The following PCDHGA7 variants were observed in gnomAD, a reference collection of about 807,000 sequenced individuals.
PCDHGA7 encodes the protein protocadherin gamma subfamily A, 7.
Under a neutral mutation model 58.3 loss-of-function variants are expected in PCDHGA7, and 44 were observed. The observed-to-expected ratio is 0.75, with a 90% CI of 0.59 to 0.97. The LOEUF is 0.97. PCDHGA7 is among the 50% of genes least tolerant of loss of function. The probability of loss-of-function intolerance (pLI) is 0.00; values close to 1 mark genes in which losing one functional copy is unlikely to be tolerated. For missense variants in PCDHGA7, 1,266 were observed against 1,188.7 expected (o/e 1.06, Z -0.96); for synonymous variants, 516 against 504.2 (o/e 1.02, Z -0.31).
intron 1 of PCDHGA7, among the ~76,000 whole-genome samples, chr5:141,461,733 C>G (rs930217307): frequency 2.0e-5 from 3 of 152,168 alleles, no homozygotes; most frequent in African/African-American, 2.4e-5. Context: ...TGCAGTGGCA[C>G]AATCCCGGCT....
intron 1 of PCDHGA7, chr5:141,419,506 C>A (rs527369615): frequency 6.2e-6 from 10 of 1,612,352 alleles, no homozygotes; most frequent in Middle Eastern, 1.7e-4. Context: ...TGAGCCTGCG[C>A]GTGTTGGTGG....
rs759226115 is a variant in PCDHGA7 at position 141,405,385 on chromosome 5, AT to A, written c.2424+20070del. On this transcript the variant is annotated intron_variant, in intron 1 of 3. Transcript: ENST00000518325. ...ACACCCCTTTGGTTCCGGTGAGTTC[AT>A]TTTTTTTCTTTCTTTCTTTTCTTTT... 1.8e-5 allele frequency: 29 copies of A among 1,599,886 alleles called. No homozygotes were observed. In the East Asian group the frequency reaches 2.2e-4, roughly 12 times the overall value.
chr5:141,410,415 T>C (rs1589759810), intron 1 of PCDHGA7: 1 of 1,614,066 alleles, frequency 6.2e-7, no homozygotes. Flanking sequence ...TCTGGACCTG[T>C]AGTTCCCCCC....
chr5:141,430,855 C>T, intron 1 of PCDHGA7: 7 of 1,588,596 alleles, frequency 4.4e-6, no homozygotes, highest in Non-Finnish European at 6.0e-6. Context: ...CCCAGATACG[C>T]TATTCAGTTC....
At chr5:141,448,394 T>C (rs1360417681) in intron 1 of PCDHGA7, among the ~76,000 whole-genome samples, 1 of 152,206 alleles carries the variant, frequency 6.6e-6, no homozygotes. Context: ...TACATTTACA[T>C]GGTTTTAAAA....
At chr5:141,505,298 T>TA in intron 2 of PCDHGA7, 95 bp from the exon 3 acceptor site, 1 of 1,586,334 alleles carries the variant, frequency 6.3e-7, no homozygotes, top group Non-Finnish European at 8.6e-7. Context: ...GGGGTAGGGT[T>TA]AGGGTACTAG....
At chr5:141,423,429 A>G (rs1590473158) in intron 1 of PCDHGA7, 2 of 1,613,960 alleles carry the variant, frequency 1.2e-6, no homozygotes, top group African/African-American at 1.3e-5. Flanking sequence ...GCGGGTTGGC[A>G]GGTATGCCCA....
In PCDHGA7 at chr5:141,431,788, T is replaced by G. The variant is rs775397713; in HGVS notation, c.2424+46465T>G. 1 of 1,614,190 alleles carries G rather than the reference T, an allele frequency of 6.2e-7. No homozygotes were observed. The highest frequency in any genetic ancestry group is 1.1e-5 in the South Asian group (1 of 91,080). ...TCACTGTTCTGGACGTGAACGACAA[T>G]GCCCCAGAAGTGGTCCTCACCTCTC... On this transcript the variant is annotated intron_variant, in intron 1 of 3. Coordinates refer to ENST00000518325, the MANE Select transcript of PCDHGA7 (RefSeq NM_018920.4). The surrounding 1 kb of genome is among the most constrained non-coding windows in gnomAD (Gnocchi z 4.8).
intron 1 of PCDHGA7, chr5:141,410,023 C>A: frequency 6.2e-7 from 1 of 1,613,310 alleles, no homozygotes; most frequent in South Asian, 1.1e-5. Context: ...TGTCCTACCA[C>A]GTGCTGCAGG....
Position 141,476,208 on chromosome 5 carries a change from C to T in PCDHGA7, c.2425-18599C>T, listed in dbSNP as rs1266601125. The T allele has an allele frequency of 6.2e-7, 1 of 1,613,794 alleles. No homozygotes were observed. ...CTTGGTGCCTTGAACAAGGCTTCCA[C>T]GGTCATTCACTATGAGATCCCGGAG... On this transcript the variant is annotated intron_variant, in intron 1 of 3. Coordinates refer to ENST00000518325, the MANE Select transcript of PCDHGA7 (RefSeq NM_018920.4). The surrounding 1 kb of genome is among the most constrained non-coding windows in gnomAD (Gnocchi z 7.6).
chr5:141,429,377 GTT>G (rs566693637), intron 1 of PCDHGA7, among the ~76,000 whole-genome samples: 7 of 149,436 alleles, frequency 4.7e-5, no homozygotes, highest in African/African-American at 1.7e-4. Flanking sequence ...GAGAAAATGT[GTT>G]TTTTTTTTAA....
chr5:141,413,227 G>T (rs552225139), intron 1 of PCDHGA7: 2 of 1,613,938 alleles, frequency 1.2e-6, no homozygotes, highest in South Asian at 2.2e-5. Flanking sequence ...CAGCGGGCTG[G>T]TCCTGCTCTG....
intron 1 of PCDHGA7, chr5:141,478,342 G>T (rs1489278202): frequency 6.2e-7 from 1 of 1,613,862 alleles, no homozygotes; most frequent in Non-Finnish European, 8.5e-7. Flanking sequence ...GGCCCTCCTT[G>T]CACGCGGACG....
At chr5:141,469,893 A>G (rs2099214569) in intron 1 of PCDHGA7, among the ~76,000 whole-genome samples, 1 of 152,200 alleles carries the variant, frequency 6.6e-6, no homozygotes, top group South Asian at 2.1e-4. Context: ...CACTTTGGGA[A>G]GCCGAGGCAG....
intron 1 of PCDHGA7, chr5:141,421,621 C>T (rs2154549322): frequency 6.2e-7 from 1 of 1,613,772 alleles, no homozygotes; most frequent in Non-Finnish European, 8.5e-7. Flanking sequence ...TGATAACGCC[C>T]CCAGCTTCCA....
At chr5:141,415,394 C>A (rs893251079) in intron 1 of PCDHGA7, 29 of 1,614,110 alleles carry the variant, frequency 1.8e-5, no homozygotes, top group Non-Finnish European at 2.3e-5. Context: ...ACAGGTGTGT[C>A]CGGCTCGCAC....
At position 141,393,088 on chromosome 5, in the gene PCDHGA7, G is replaced by T. The variant is rs760420305; in HGVS notation, c.2424+7765G>T. ...TTGATCACCGCGGGCAGGATAGATCGGGAGGAGCTCTGCGCTCAGAGCCCG... is the reference window on the plus strand; with the variant it reads ...TTGATCACCGCGGGCAGGATAGATCTGGAGGAGCTCTGCGCTCAGAGCCCG... On this transcript the variant is annotated intron_variant, in intron 1 of 3. Transcript: ENST00000518325. 3.7e-6 allele frequency: 6 copies of T among 1,613,530 alleles called. No homozygotes were observed. In the East Asian group the frequency reaches 1.3e-4, roughly 36 times the overall value.
At chr5:141,463,412 A>G (rs1397215687) in intron 1 of PCDHGA7, among the ~76,000 whole-genome samples, 9 of 127,856 alleles carry the variant, frequency 7.0e-5, no homozygotes, top group Non-Finnish European at 1.5e-4. Flanking sequence ...TGGAGATCCT[A>G]GTTTGCGGAT....
At chr5:141,462,360 A>G (rs1400686908) in intron 1 of PCDHGA7, among the ~76,000 whole-genome samples, 1 of 152,238 alleles carries the variant, frequency 6.6e-6, no homozygotes, top group Non-Finnish European at 1.5e-5. Flanking sequence ...TATACATTGT[A>G]TAGTTTCTAT....
Sources: gnomAD v4.1 joint callset for allele counts (sites outside exome capture counted in the v4.1 genomes callset) on GRCh38, gnomAD v4.1.1 for gene constraint, Gnocchi (gnomAD v3.1) non-coding constraint, MANE v1.5 for transcripts, NCBI Gene and HGNC (gene_info 2026-07-23, HGNC 2026-07-21) for gene names.